The following MTCL2 variants were observed in gnomAD, a reference collection of about 807,000 sequenced individuals.
MTCL2 encodes the protein microtubule crosslinking factor 2.
At chr20:36,846,210 A>G in the MTCL2 span, among the ~76,000 whole-genome samples, 3 of 151,934 alleles carry the variant, frequency 2.0e-5, no homozygotes, top group South Asian at 6.2e-4. Context: ...TGTCTCAAAA[A>G]AAAAAAAAAA....
At chr20:36,809,954 T>G in the MTCL2 span, 1 of 1,587,072 alleles carries the variant, frequency 6.3e-7, no homozygotes, top group Non-Finnish European at 8.6e-7. Flanking sequence ...TAGGAATAGC[T>G]GCCTGGAAAG....
At chr20:36,846,012 A>G in the MTCL2 span, among the ~76,000 whole-genome samples, 1 of 152,136 alleles carries the variant, frequency 6.6e-6, no homozygotes, top group Non-Finnish European at 1.5e-5. Flanking sequence ...TATGGAACAA[A>G]GTTGTAGACA....
At chr20:36,844,871 T>G in the MTCL2 span, among the ~76,000 whole-genome samples, 1 of 151,806 alleles carries the variant, frequency 6.6e-6, no homozygotes, top group African/African-American at 2.4e-5. Context: ...AAATATAAAA[T>G]TAGCCAGGCA....
chr20:36,791,195 C>T, the MTCL2 span, among the ~76,000 whole-genome samples: 35 of 152,022 alleles, frequency 2.3e-4, 1 homozygote, highest in South Asian at 2.7e-3. Flanking sequence ...CCACTATGCC[C>T]GGCTAATTTT....
At chr20:36,826,395 C>T in the MTCL2 span, among the ~76,000 whole-genome samples, 1 of 102,104 alleles carries the variant, frequency 9.8e-6, no homozygotes, top group Non-Finnish European at 2.0e-5. Context: ...CTCTCCCTCT[C>T]GATGCAGGGT....
At chr20:36,801,468 C>T in the MTCL2 span, among the ~76,000 whole-genome samples, 13 of 151,432 alleles carry the variant, frequency 8.6e-5, no homozygotes, top group East Asian at 1.4e-3. Context: ...CCCAGCGACT[C>T]GGGAGGCTGA....
chr20:36,793,477 C>T, the MTCL2 span: 2 of 1,551,576 alleles, frequency 1.3e-6, no homozygotes, highest in Non-Finnish European at 1.7e-6. The surrounding 1 kb of genome is among the most constrained non-coding windows in gnomAD (Gnocchi z 6.8). Context: ...CCCGGCCACA[C>T]ACATTACGGA....
At chr20:36,853,754 TTGG>T in the MTCL2 span, among the ~76,000 whole-genome samples, 1 of 150,762 alleles carries the variant, frequency 6.6e-6, no homozygotes, top group African/African-American at 2.4e-5. Flanking sequence ...GTGGTTGTTG[TTGG>T]TAAGAGACCA....
At chr20:36,809,746 T>C in the MTCL2 span, among the ~76,000 whole-genome samples, 1 of 152,108 alleles carries the variant, frequency 6.6e-6, no homozygotes, top group Non-Finnish European at 1.5e-5. Context: ...TGGCTAATTT[T>C]TGTATTTTTA....
At chr20:36,857,474 G>A in the MTCL2 span, among the ~76,000 whole-genome samples, 74 of 152,282 alleles carry the variant, frequency 4.9e-4, no homozygotes, top group Middle Eastern at 6.8e-3. Flanking sequence ...GGGTCTGTGA[G>A]ATGTGTGCAA....
At chr20:36,815,657 G>A in the MTCL2 span, 8 of 1,607,552 alleles carry the variant, frequency 5.0e-6, no homozygotes, top group Middle Eastern at 1.6e-4. This position sits in a 1 kb window ranked among gnomAD's most constrained non-coding sequence, Gnocchi z 5.3. Flanking sequence ...AGAGGAGCAC[G>A]CGGTTCTCGT....
chr20:36,859,266 G>A, the MTCL2 span, among the ~76,000 whole-genome samples: 141 of 152,264 alleles, frequency 9.3e-4, 1 homozygote, highest in Admixed American at 1.5e-3. Context: ...CACATGGTAC[G>A]TGCTTAATGG....
chr20:36,857,429 T>C, the MTCL2 span, among the ~76,000 whole-genome samples: 25 of 152,134 alleles, frequency 1.6e-4, no homozygotes, highest in African/African-American at 6.0e-4. Context: ...GGAGGCGTGC[T>C]TCTGAAAGCA....
the MTCL2 span, among the ~76,000 whole-genome samples, chr20:36,840,801 G>A: frequency 1.3e-4 from 20 of 151,798 alleles, no homozygotes; most frequent in African/African-American, 3.6e-4. Flanking sequence ...AGCCGAGATC[G>A]CACCACTGCA....
At chr20:36,794,453 T>C in the MTCL2 span, 2 of 1,614,012 alleles carry the variant, frequency 1.2e-6, no homozygotes, top group Non-Finnish European at 1.7e-6. The surrounding 1 kb of genome is among the most constrained non-coding windows in gnomAD (Gnocchi z 5.4). Flanking sequence ...CTCCTTGGTG[T>C]CTTTCTCTGG....
At chr20:36,856,258 C>T in the MTCL2 span, among the ~76,000 whole-genome samples, 2 of 152,240 alleles carry the variant, frequency 1.3e-5, no homozygotes, top group African/African-American at 4.8e-5. Flanking sequence ...CCACTTGAGG[C>T]TAACTCCCCA....
the MTCL2 span, chr20:36,794,124 T>C: frequency 1.3e-6 from 2 of 1,551,456 alleles, no homozygotes; most frequent in South Asian, 2.4e-5. The surrounding 1 kb of genome is among the most constrained non-coding windows in gnomAD (Gnocchi z 5.4). Context: ...GCCGAGGGGC[T>C]GCCCGCTGAG....
the MTCL2 span, among the ~76,000 whole-genome samples, chr20:36,856,921 G>A: frequency 1.3e-5 from 2 of 152,164 alleles, no homozygotes; most frequent in African/African-American, 4.8e-5. Context: ...GCTCCTGTGG[G>A]CAAATGCTAC....
chr20:36,786,601 A>C, the MTCL2 span: 1 of 1,550,928 alleles, frequency 6.4e-7, no homozygotes, highest in Non-Finnish European at 8.7e-7. Context: ...GCGAAGCAGG[A>C]GGTGAGAGAC....
Sources: gnomAD v4.1 joint callset for allele counts (sites outside exome capture counted in the v4.1 genomes callset) on GRCh38, gnomAD v4.1.1 for gene constraint, Gnocchi (gnomAD v3.1) non-coding constraint, MANE v1.5 for transcripts, NCBI Gene and HGNC (gene_info 2026-07-23, HGNC 2026-07-21) for gene names.